Variants in CDK11B observed in about 807,000 individuals in gnomAD.
CDK11B encodes the protein cyclin dependent kinase 11B.
Under a neutral mutation model 84.0 loss-of-function variants are expected in CDK11B, and 37 were observed. The ratio of observed to expected loss-of-function variants is 0.44; its 90% CI spans 0.34 to 0.58. The LOEUF is 0.58. CDK11B is among the 20% of genes least tolerant of loss of function. The probability of loss-of-function intolerance (pLI) is 0.02; values close to 1 mark genes in which losing one functional copy is unlikely to be tolerated. For synonymous variants in CDK11B, 269 were observed against 309.8 expected, an observed-to-expected ratio of 0.87 and a Z score of 1.38; for missense variants, 427 against 834.0, an observed-to-expected ratio of 0.51 and a Z score of 6.01.
chr1:1,637,913 G>A (rs773666468), intron 12 of CDK11B, 30 bp from the exon 13 acceptor site: 5 of 1,612,706 alleles, frequency 3.1e-6, no homozygotes, highest in Non-Finnish European at 2.5e-6. Context: ...GGCACTGAGA[G>A]GCATTCTCAA....
intron 5 of CDK11B, among the ~76,000 whole-genome samples, chr1:1,649,156 G>A (rs1405194881): frequency 1.3e-5 from 2 of 152,102 alleles, no homozygotes; most frequent in Non-Finnish European, 2.9e-5. Flanking sequence ...CTGGAGTGCA[G>A]TGGCGGGATC....
chr1:1,654,377 C>G lies in CDK11B; in HGVS notation c.227+992G>C, dbSNP rs763589590. Among the ~76,000 whole-genome samples the G allele has an allele frequency of 6.0e-4, 91 of 152,164 alleles. 1 individual carries two copies. Among genetic ancestry groups the G allele is most frequent in the Admixed American group, 1.7e-3 (26 of 15,278 alleles). ...GTCAGGGGTGCTTAGAAGCTAGGCC[C>G]TGAAAACCCTGATGATGACCATGAG... On this transcript the variant is annotated intron_variant, in intron 3 of 19. Transcript: ENST00000341832.
At chr1:1,652,628 T>C (rs1222959640) in intron 3 of CDK11B, 62 bp from the exon 4 acceptor site, 3 of 1,271,230 alleles carry the variant, frequency 2.4e-6, no homozygotes, top group Non-Finnish European at 3.1e-6. Flanking sequence ...CATCAGGCTA[T>C]TATAAGGTTT....
At chr1:1,655,627 A>C in intron 2 of CDK11B, 143 bp from the exon 3 acceptor site, 2 of 1,322,636 alleles carry the variant, frequency 1.5e-6, no homozygotes, top group South Asian at 1.6e-5. Flanking sequence ...GTGTTATAAA[A>C]TATAAAGAAC....
At chr1:1,654,303 G>C (rs894865814) in intron 3 of CDK11B, 2 of 384,188 alleles carry the variant, frequency 5.2e-6, no homozygotes, top group Non-Finnish European at 1.0e-5. Flanking sequence ...ACAGGGTCTT[G>C]CTCTGTTACC....
Position 1,650,050 on chromosome 1 carries a change from G to C in CDK11B, c.356-413C>G, listed in dbSNP as rs1204588556. Among the ~76,000 whole-genome samples, 119 of 150,114 alleles carry C rather than the reference G, an allele frequency of 7.9e-4. No individual in the cohort carries two copies. In the South Asian group the frequency reaches 0.022, roughly 28 times the overall value. ...GCACTCTGGGAGGCCGAGGTGGGCGGATCACAAGGTCAGATCGGGACCATC... is the reference window on the plus strand; with the variant it reads ...GCACTCTGGGAGGCCGAGGTGGGCGCATCACAAGGTCAGATCGGGACCATC... On this transcript the variant is annotated intron_variant, in intron 4 of 19. Transcript: ENST00000341832.
intron 4 of CDK11B, 55 bp downstream of exon 4, chr1:1,652,384 A>T: frequency 7.1e-7 from 1 of 1,404,146 alleles, no homozygotes; most frequent in Non-Finnish European, 9.4e-7. Context: ...AAGAGTAGGA[A>T]CAGGAAAGAA....
rs558046159 is a variant in CDK11B, at chr1:1,637,689, G to A, written c.1464+73C>T. The A allele has an allele frequency of 4.2e-5, 67 of 1,612,390 alleles. No homozygotes were observed. The East Asian group carries it at 5.6e-4, about 13-fold the overall frequency. On this transcript the variant is annotated intron_variant, in intron 13 of 19. Transcript: ENST00000341832. ...GTGCAGGAGAGTGTAGGAAGCACCC[G>A]GCCCCAGGACAGCACGGGGCCCTGT...
intron 15 of CDK11B, 30 bp downstream of exon 15, chr1:1,637,051 C>G (rs1224330449): frequency 1.2e-6 from 2 of 1,613,410 alleles, no homozygotes. Flanking sequence ...GCAGGTCTCC[C>G]TGGGATGGGC....
Position 1,637,665 on chromosome 1 carries a change from T to C in CDK11B, c.1464+97A>G, listed in dbSNP as rs565741530. ...GTGGTCTGTGAAGGGCTCCACTAAG[T>C]GCAGGAGAGTGTAGGAAGCACCCGG... On this transcript the variant is annotated intron_variant, in intron 13 of 19. Coordinates refer to ENST00000341832, the MANE Select transcript of CDK11B (RefSeq NM_033486.3). 4.0e-5 allele frequency: 64 copies of C among 1,611,004 alleles called. No individual in the cohort carries two copies. In the South Asian group the frequency reaches 6.3e-4, roughly 16 times the overall value.
chr1:1,652,782 G>C lies in CDK11B; in HGVS notation c.228-216C>G, dbSNP rs1324420994. ...GTCTCGCTCTGTTGCCCGGGCTATA[G>C]TGGCACGATCTCGGCTCACTGCAAT... On this transcript the variant is annotated intron_variant, in intron 3 of 19. Transcript: ENST00000341832. Among the ~76,000 whole-genome samples, 8 of 151,186 alleles carry C rather than the reference G, an allele frequency of 5.3e-5. No homozygotes were observed. The East Asian group carries it at 1.4e-3, about 26-fold the overall frequency.
intron 3 of CDK11B, chr1:1,654,258 A>AC (rs1266183155): frequency 2.3e-6 from 1 of 425,722 alleles, no homozygotes; most frequent in Non-Finnish European, 4.6e-6. Flanking sequence ...GTCGGAACAC[A>AC]CAGGTCTCAA....
chr1:1,636,183 A>G (rs1639244262), intron 18 of CDK11B, 57 bp from the exon 19 acceptor site: 2 of 757,144 alleles, frequency 2.6e-6, no homozygotes, highest in African/African-American at 3.6e-5. Flanking sequence ...TGGGTCCCCC[A>G]AAGATGGGCT....
intron 5 of CDK11B, among the ~76,000 whole-genome samples, chr1:1,649,155 A>G (rs1161891874): frequency 1.3e-5 from 2 of 151,992 alleles, no homozygotes; most frequent in African/African-American, 4.8e-5. Flanking sequence ...GCTGGAGTGC[A>G]GTGGCGGGAT....
At chr1:1,651,398 C>T (rs1215954391) in intron 4 of CDK11B, among the ~76,000 whole-genome samples, 2 of 151,988 alleles carry the variant, frequency 1.3e-5, no homozygotes, top group African/African-American at 2.4e-5. Flanking sequence ...TACACGCATG[C>T]TTTCAGCTGG....
chr1:1,637,660 C>T lies in CDK11B; in HGVS notation c.1464+102G>A. 6.2e-6 allele frequency: 10 copies of T among 1,609,244 alleles called. 1 individual carries two copies. The highest frequency in any genetic ancestry group is 8.5e-6 in the Non-Finnish European group (10 of 1,176,510). On this transcript the variant is annotated intron_variant, in intron 13 of 19. Transcript: ENST00000341832. ...TCTGTGTGGTCTGTGAAGGGCTCCA[C>T]TAAGTGCAGGAGAGTGTAGGAAGCA...
chr1:1,648,325 G>A (rs1364641724), intron 5 of CDK11B, among the ~76,000 whole-genome samples: 1 of 152,066 alleles, frequency 6.6e-6, no homozygotes, highest in Non-Finnish European at 1.5e-5. Context: ...TCTGGCACAG[G>A]GTGTGGCATA....
rs201477664 is a variant in CDK11B, at chr1:1,646,058, C to T, written c.495-796G>A. 5.5e-4 allele frequency: 251 copies of T among 456,778 alleles called. No homozygotes were observed. In the Middle Eastern group the frequency reaches 8.1e-3, roughly 15 times the overall value. 28.3% of individuals were successfully genotyped at this position (456,778 alleles called of 1,614,324 possible). ...TTGGCCAGGCTGGTTTCTAATATTT[C>T]TTAACATCTGTTTTGTCTGGTATGA... On this transcript the variant is annotated intron_variant, in intron 5 of 19. Coordinates refer to ENST00000341832, the MANE Select transcript of CDK11B (RefSeq NM_033486.3).
rs547710975 is a variant in CDK11B, at chr1:1,637,313, A to C, written c.1570+95T>G. On this transcript the variant is annotated intron_variant, in intron 14 of 19. Transcript: ENST00000341832. ...AGGCTTCTCAGGGCTTTCCCTGTGG[A>C]TGCAGCTGGCCCTCCCTGCAGCACT... The C allele has an allele frequency of 6.7e-5, 105 of 1,567,656 alleles. No homozygotes were observed. The African/African-American group carries it at 1.4e-3, about 20-fold the overall frequency.
Sources: allele counts gnomAD v4.1 joint callset (sites outside exome capture counted in the v4.1 genomes callset), GRCh38; gene constraint gnomAD v4.1.1; transcripts MANE v1.5; gene names NCBI Gene and HGNC (gene_info 2026-07-23, HGNC 2026-07-21).